KIAA1328: variants seen among roughly 807,000 people sequenced by gnomAD.
KIAA1328 encodes protein hinderin.
A neutral mutation model predicts 68.1 loss-of-function variants in KIAA1328; 52 were observed. The observed-to-expected ratio is 0.76, with a 90% confidence interval of 0.61 to 0.96. The LOEUF (loss-of-function observed/expected upper bound fraction) is 0.96. KIAA1328 is among the 40% of genes least tolerant of loss of function. The probability of loss-of-function intolerance (pLI) is 0.00; values close to 1 mark genes in which losing one functional copy is unlikely to be tolerated. For missense variants in KIAA1328, 641 were observed against 677.6 expected (o/e 0.95, Z 0.60); for synonymous variants, 232 against 239.4 (o/e 0.97, Z 0.28).
intron 8 of KIAA1328, among the ~76,000 whole-genome samples, chr18:37,170,304 C>G (rs1022123599): frequency 6.6e-6 from 1 of 152,148 alleles, no homozygotes; most frequent in Non-Finnish European, 1.5e-5. Context: ...CAAAATCCAG[C>G]TTTGCTCTTA....
chr18:37,044,121 G>A (rs1457231625), intron 6 of KIAA1328, among the ~76,000 whole-genome samples: 2 of 152,136 alleles, frequency 1.3e-5, no homozygotes, highest in Non-Finnish European at 2.9e-5. Context: ...TTAAAGCTCT[G>A]TTTAGCATTC....
At chr18:36,901,071 T>C (rs2049021098) in intron 5 of KIAA1328, among the ~76,000 whole-genome samples, 1 of 152,074 alleles carries the variant, frequency 6.6e-6, no homozygotes, top group Admixed American at 6.6e-5. Flanking sequence ...ATAAATATCA[T>C]GTTCCTTATG....
chr18:37,162,315 G>C (rs563320871), intron 8 of KIAA1328, among the ~76,000 whole-genome samples: 178 of 150,570 alleles, frequency 1.2e-3, no homozygotes, highest in Non-Finnish European at 1.8e-3. Context: ...ATCTTTTTAA[G>C]AGTTTTTATT....
chr18:36,854,404 C>G (rs1428668984), intron 4 of KIAA1328, among the ~76,000 whole-genome samples: 1 of 152,130 alleles, frequency 6.6e-6, no homozygotes, highest in Non-Finnish European at 1.5e-5. Context: ...TCTTTTAAAT[C>G]ATATTCAAAG....
intron 7 of KIAA1328, among the ~76,000 whole-genome samples, chr18:37,121,875 GT>G (rs1175173588): frequency 1.3e-5 from 2 of 152,010 alleles, no homozygotes; most frequent in Non-Finnish European, 2.9e-5. Flanking sequence ...GAATGTGTAT[GT>G]GTGTGTGTAA....
intron 7 of KIAA1328, among the ~76,000 whole-genome samples, chr18:37,157,322 T>C (rs537134942): frequency 3.0e-4 from 45 of 152,334 alleles, no homozygotes; most frequent in African/African-American, 9.9e-4. Context: ...TTCAGAGTTA[T>C]ATAAATTAAA....
At chr18:37,075,483 T>C (rs945909780) in intron 7 of KIAA1328, 1 of 152,128 alleles carries the variant, frequency 6.6e-6, no homozygotes, top group African/African-American at 2.4e-5. Context: ...CACATAACAA[T>C]ATTAACTTTA....
intron 7 of KIAA1328, among the ~76,000 whole-genome samples, chr18:37,112,606 A>G (rs1300859655): frequency 6.6e-6 from 1 of 152,214 alleles, no homozygotes; most frequent in African/African-American, 2.4e-5. Flanking sequence ...TTCTCCTCCA[A>G]AGGAACGCAG....
At chr18:37,096,397 G>A (rs2057408353) in intron 7 of KIAA1328, among the ~76,000 whole-genome samples, 1 of 152,132 alleles carries the variant, frequency 6.6e-6, no homozygotes, top group Admixed American at 6.5e-5. Context: ...TCCCTACAAA[G>A]GACATGAACT....
chr18:37,220,704 C>A (rs1035823793), intron 9 of KIAA1328, among the ~76,000 whole-genome samples: 3 of 152,168 alleles, frequency 2.0e-5, no homozygotes, highest in African/African-American at 7.2e-5. Context: ...AACAGACAAC[C>A]CAGCCTCTCA....
At chr18:36,875,280 A>G (rs1365848449) in intron 4 of KIAA1328, among the ~76,000 whole-genome samples, 1 of 152,214 alleles carries the variant, frequency 6.6e-6, no homozygotes, top group Non-Finnish European at 1.5e-5. Flanking sequence ...CATTTTCACA[A>G]TATTGATTCT....
intron 6 of KIAA1328, among the ~76,000 whole-genome samples, chr18:37,022,837 A>T (rs1481108016): frequency 6.6e-6 from 1 of 152,188 alleles, no homozygotes; most frequent in Non-Finnish European, 1.5e-5. Flanking sequence ...TCATATTAAG[A>T]TGAAAAAATA....
intron 7 of KIAA1328, among the ~76,000 whole-genome samples, chr18:37,077,991 A>T (rs1244762212): frequency 6.6e-6 from 1 of 152,206 alleles, no homozygotes; most frequent in Non-Finnish European, 1.5e-5. Flanking sequence ...TAAAGTTCAT[A>T]TGGAACCAAA....
At chr18:37,075,668 G>A (rs1477480930) in intron 7 of KIAA1328, 1 of 152,158 alleles carries the variant, frequency 6.6e-6, no homozygotes. Flanking sequence ...ACAAAAAAAG[G>A]CAGAGGTTGC....
At chr18:36,868,372 A>T (rs894425536) in intron 4 of KIAA1328, among the ~76,000 whole-genome samples, 1 of 152,202 alleles carries the variant, frequency 6.6e-6, no homozygotes, top group African/African-American at 2.4e-5. Context: ...AAATTAAGTG[A>T]CCTCAGAAGG....
intron 9 of KIAA1328, among the ~76,000 whole-genome samples, chr18:37,203,037 C>CT (rs1014197806): frequency 6.6e-6 from 1 of 150,768 alleles, no homozygotes; most frequent in African/African-American, 2.4e-5. Flanking sequence ...CAAACAGAAT[C>CT]TATTTCTCCC....
chr18:36,844,021 G>T (rs1378734802), intron 3 of KIAA1328, among the ~76,000 whole-genome samples, 187 bp from the exon 4 acceptor site: 1 of 152,028 alleles, frequency 6.6e-6, no homozygotes, highest in African/African-American at 2.4e-5. Flanking sequence ...TAAATCTCAT[G>T]AAGTGTCCTA....
chr18:36,895,948 G>T (rs1022724783), intron 5 of KIAA1328, among the ~76,000 whole-genome samples: 1 of 152,086 alleles, frequency 6.6e-6, no homozygotes, highest in Non-Finnish European at 1.5e-5. Context: ...AACCAAACCC[G>T]ATCAGACCTT....
chr18:37,143,121 A>G (rs2058809637), intron 7 of KIAA1328, among the ~76,000 whole-genome samples: 1 of 151,854 alleles, frequency 6.6e-6, no homozygotes. Flanking sequence ...CAGTTGGCCA[A>G]TTTTTGTATT....
Sources: gnomAD v4.1 joint callset for allele counts (sites outside exome capture counted in the v4.1 genomes callset) on GRCh38, gnomAD v4.1.1 for gene constraint, MANE v1.5 for transcripts, NCBI Gene and HGNC (gene_info 2026-07-23, HGNC 2026-07-21) for gene names.